Variants in ZNF296 observed in about 807,000 individuals in gnomAD.
ZNF296 encodes zinc finger protein 296, also known as zinc finger protein 342.
ZNF296 carries 1 observed loss-of-function variant against 13.2 expected under a neutral mutation model. The observed-to-expected ratio is 0.08, with a 90% CI of 0.03 to 0.36. The LOEUF is 0.36. Ranked by LOEUF, ZNF296 falls within the 10% of genes least tolerant of loss-of-function variation. The probability of loss-of-function intolerance (pLI) is 0.99; values close to 1 mark genes in which losing one functional copy is unlikely to be tolerated. For synonymous variants in ZNF296, 303 were observed against 289.0 expected (o/e 1.05, Z -0.49); for missense variants, 555 against 688.2 (o/e 0.81, Z 2.16).
At chr19:45,075,972 G>A (rs1967339186) in intron 1 of ZNF296, 104 bp downstream of exon 1, 1 of 1,580,586 alleles carries the variant, frequency 6.3e-7, no homozygotes, top group Non-Finnish European at 8.6e-7. Context: ...GGGCAGGACG[G>A]GGCGAAGGAG....
chr19:45,072,567 C>G lies in ZNF296; in HGVS notation c.462G>C (p.Leu154=). The change falls in exon 3 of 3, where the codon CTG becomes CTC. Residue 154 remains leucine, a synonymous_variant. Transcript: ENST00000303809. ...SRGQGSEREE[L]KALSCLRCGK... ...CACAGCGCAGGCAGCTCAAGGCCTT[C>G]AGCTCCTCTCGTTCTGGTAAGAAAA... 1 of 1,598,748 alleles carries G rather than the reference C, an allele frequency of 6.3e-7. No homozygotes were observed. Among genetic ancestry groups the G allele is most frequent in the Non-Finnish European group, 8.5e-7 (1 of 1,171,540 alleles).
chr19:45,071,582 G>GA lies in ZNF296; in HGVS notation c.*18dup. 1 of 1,505,998 alleles carries GA rather than the reference G, an allele frequency of 6.6e-7. No individual in the cohort carries two copies. The highest frequency in any genetic ancestry group is 8.8e-7 in the Non-Finnish European group (1 of 1,136,708). 93.3% of individuals were successfully genotyped at this position (1,505,998 alleles called of 1,614,324 possible). ...TGTTGGCAGCGGTACCAGGGACAGTGAGGGGGGCTTTCCTGGGCTCAGGCC... is the reference window on the plus strand; with the variant it reads ...TGTTGGCAGCGGTACCAGGGACAGTGAAGGGGGGCTTTCCTGGGCTCAGGCC... On this transcript the variant is annotated 3_prime_UTR_variant, in exon 3 of 3. Coordinates refer to ENST00000303809, the MANE Select transcript of ZNF296 (RefSeq NM_145288.3).
rs1010576657 is a variant in ZNF296, at chr19:45,072,702, G to A, written c.449-122C>T. ...TAACAAGACACACACACCCTGGAAG[G>A]ACCAGGAAGCTGACGCTCAGAGGAG... On this transcript the variant is annotated intron_variant, in intron 2 of 2. Transcript: ENST00000303809. 3.9e-6 allele frequency: 5 copies of A among 1,269,766 alleles called. No homozygotes were observed. In the African/African-American group the frequency reaches 7.5e-5, roughly 19 times the overall value. The allele number at this position is 1,269,766 out of a possible 1,614,324, so 78.7% of individuals were successfully genotyped here.
intron 2 of ZNF296, among the ~76,000 whole-genome samples, chr19:45,073,122 A>G (rs753880517): frequency 2.0e-5 from 3 of 152,186 alleles, no homozygotes; most frequent in Non-Finnish European, 2.9e-5. Context: ...GTGCTGAGCC[A>G]TGGCTCATAG....
intron 2 of ZNF296, among the ~76,000 whole-genome samples, chr19:45,075,444 G>T (rs752902944): frequency 7.9e-5 from 12 of 152,164 alleles, no homozygotes; most frequent in African/African-American, 1.9e-4. Context: ...TGTGTGTTGG[G>T]GGGGGCAAAA....
chr19:45,073,276 A>G (rs1240208404), intron 2 of ZNF296, among the ~76,000 whole-genome samples: 1 of 150,476 alleles, frequency 6.6e-6, no homozygotes, highest in Non-Finnish European at 1.5e-5. Flanking sequence ...GGAGGGGGAG[A>G]GGGCAGAACA....
At position 45,076,455 on chromosome 19, in the gene ZNF296, C is replaced by T; in HGVS notation, c.-82G>A. On this transcript the variant is annotated 5_prime_UTR_variant, in exon 1 of 3. Coordinates refer to ENST00000303809, the MANE Select transcript of ZNF296 (RefSeq NM_145288.3). This position sits in a 1 kb window ranked among gnomAD's most constrained non-coding sequence, Gnocchi z 4.9. The stretch of plus-strand genomic sequence containing the variant: ...GACGCACGAGCGGAGGACGCGCGGA[C>T]CGTGCGCGCTCAGGTGAGTGACTGC... 9.4e-7 allele frequency: 1 copy of T among 1,065,960 alleles called. No homozygotes were observed. The highest frequency in any genetic ancestry group is 1.2e-6 in the Non-Finnish European group (1 of 842,906). 66.0% of individuals were successfully genotyped at this position (1,065,960 alleles called of 1,614,324 possible).
In ZNF296 at chr19:45,072,404, C is replaced by T. The variant is rs774264310; in HGVS notation, c.625G>A (p.Val209Met). ...LAEVAAAVSA[V>M]VGPAAEAKSP... ...TTGGCCTCAGCTGCTGGCCCCACCA[C>T]TGCCGACACGGCTGCAGCCACCTCG... The change falls in exon 3 of 3, where the codon GTG (valine) becomes ATG (methionine). Residue 209 changes from valine to methionine, a missense_variant. By Grantham distance (21) the Val-to-Met change is conservative. Around this residue, in one of 3 missense-constraint regions of ZNF296, gnomAD observed 410 missense variants for 548.0 expected, o/e 0.75. Coordinates refer to ENST00000303809, the MANE Select transcript of ZNF296 (RefSeq NM_145288.3). 11 of 1,612,482 alleles carry T rather than the reference C, an allele frequency of 6.8e-6. No homozygotes were observed. The highest frequency in any genetic ancestry group is 4.4e-5 in the South Asian group (4 of 91,050).
Position 45,075,774 on chromosome 19 carries a change from G to A in ZNF296, c.387C>T (p.Phe129=), listed in dbSNP as rs748850944. Residue 129 remains phenylalanine (F), a synonymous_variant, in exon 2 of 3, where the codon TTC becomes TTT. Coordinates refer to ENST00000303809, the MANE Select transcript of ZNF296 (RefSeq NM_145288.3). ...GACAGCCCAGCTTCTTGTGGTCCAT[G>A]AAGGCAGTGATGGCCTCCAACGGGA... ...QTFPLEAITA[F]MDHKKLGCQL... 7 of 1,614,054 alleles carry A rather than the reference G, an allele frequency of 4.3e-6. No individual in the cohort carries two copies. Among genetic ancestry groups the A allele is most frequent in the African/African-American group, 1.3e-5 (1 of 74,932 alleles).
At position 45,072,465 on chromosome 19, in the gene ZNF296, TTCTG is replaced by T; in HGVS notation, c.560_563del (p.Thr187AsnfsTer214). ...GGAGCGGGGCCTCCGGGGCCTCTGA[TTCTG>T]TCTGGTAGATGGACAGTCCGTGGTC... On this transcript the variant is annotated frameshift_variant, in exon 3 of 3. Coordinates refer to ENST00000303809, the MANE Select transcript of ZNF296 (RefSeq NM_145288.3). LOFTEE classifies it low-confidence loss of function (END_TRUNC). The T allele has an allele frequency of 6.2e-7, 1 of 1,613,276 alleles. No individual in the cohort carries two copies. Among genetic ancestry groups the T allele is most frequent in the South Asian group, 1.1e-5 (1 of 91,084 alleles).
intron 2 of ZNF296, among the ~76,000 whole-genome samples, chr19:45,074,892 C>T (rs1382947058): frequency 6.6e-6 from 1 of 152,162 alleles, no homozygotes; most frequent in African/African-American, 2.4e-5. Context: ...GGCCACTCTC[C>T]ATGCTCCAGC....
Position 45,072,562 on chromosome 19 carries a change from G to A in ZNF296, c.467C>T (p.Ala156Val). 1 of 1,604,386 alleles carries A rather than the reference G, an allele frequency of 6.2e-7. No individual in the cohort carries two copies. Among genetic ancestry groups the A allele is most frequent in the Non-Finnish European group, 8.5e-7 (1 of 1,174,560 alleles). ...GQGSEREELK[A>V]LSCLRCGKQF... ...TTTGCCACAGCGCAGGCAGCTCAAGGCCTTCAGCTCCTCTCGTTCTGGTAA... is the reference window on the plus strand; with the variant it reads ...TTTGCCACAGCGCAGGCAGCTCAAGACCTTCAGCTCCTCTCGTTCTGGTAA... Residue 156 changes from alanine (A) to valine (V), a missense_variant, in exon 3 of 3, where the codon GCC becomes GTC. Ala to Val is a moderately conservative substitution (Grantham distance 64). Coordinates refer to ENST00000303809, the MANE Select transcript of ZNF296 (RefSeq NM_145288.3).
chr19:45,075,564 G>C (rs1186481956), intron 2 of ZNF296, 149 bp downstream of exon 2: 13 of 384,538 alleles, frequency 3.4e-5, no homozygotes, highest in Non-Finnish European at 5.3e-5. Context: ...GCCCTAGGAC[G>C]GGCAGGCCCT....
rs1967349615 is a variant in ZNF296, at chr19:45,076,287, G to T, written c.87C>A (p.Asp29Glu). ...ANPDDEMEMQ[D>E]LVIELKPEPD... is the part of the protein sequence containing the mutation. The stretch of plus-strand genomic sequence containing the variant: ...GCTCGGGCTTGAGTTCGATGACGAG[G>T]TCCTGCATTTCCATCTCGTCGTCTG... Residue 29 changes from aspartate (D) to glutamate (E), a missense_variant, in exon 1 of 3, where the codon GAC becomes GAA. Physicochemically the swap from Asp to Glu is conservative, Grantham distance 45 (BLOSUM62 2). This residue lies in a region of ZNF296 where 137 missense variants were observed against 121.9 expected (regional missense o/e 1.12). Coordinates refer to ENST00000303809, the MANE Select transcript of ZNF296 (RefSeq NM_145288.3). The surrounding 1 kb of genome is among the most constrained non-coding windows in gnomAD (Gnocchi z 4.9). 5 of 1,466,920 alleles carry T rather than the reference G, an allele frequency of 3.4e-6. No homozygotes were observed. The highest frequency in any genetic ancestry group is 5.2e-5 in the Admixed American group (2 of 38,296). The allele number at this position is 1,466,920 out of a possible 1,614,324, so 90.9% of individuals were successfully genotyped here.
chr19:45,072,344 G>T lies in ZNF296; in HGVS notation c.685C>A (p.Arg229=), dbSNP rs756653209. 2.5e-6 allele frequency: 4 copies of T among 1,612,574 alleles called. No individual in the cohort carries two copies. In the Middle Eastern group the frequency reaches 6.6e-4, roughly 266 times the overall value. Residue 229 remains arginine, a synonymous_variant, in exon 3 of 3, where the codon CGG becomes AGG. Coordinates refer to ENST00000303809, the MANE Select transcript of ZNF296 (RefSeq NM_145288.3). The part of the protein sequence containing the change: ...PRASGSGLTR[R]SPTCPVCKKT... ...TTGCACACAGGACAGGTGGGGCTCC[G>T]CCGGGTGAGGCCGCTGCCACTTGCA...
intron 2 of ZNF296, among the ~76,000 whole-genome samples, chr19:45,075,335 G>A (rs1048141428): frequency 2.0e-5 from 3 of 152,120 alleles, no homozygotes; most frequent in Non-Finnish European, 4.4e-5. Context: ...CCCCCCGGCC[G>A]CTGCCCTCCC....
At position 45,072,426 on chromosome 19, in the gene ZNF296, C is replaced by T. The variant is rs1967273773; in HGVS notation, c.603G>A (p.Glu201=). The change falls in exon 3 of 3, where the codon GAG becomes GAA. Residue 201 remains glutamate (E), a synonymous_variant. Transcript: ENST00000303809. The part of the protein sequence containing the change: ...APEAPLLGLA[E]VAAAVSAVVG... ...CCACTGCCGACACGGCTGCAGCCAC[C>T]TCGGCCAGGCCCAGGAGCGGGGCCT... is the stretch of plus-strand genomic sequence containing the variant. The T allele has an allele frequency of 6.2e-7, 1 of 1,612,778 alleles. No individual in the cohort carries two copies. Among genetic ancestry groups the T allele is most frequent in the Non-Finnish European group, 8.5e-7 (1 of 1,179,810 alleles).
intron 2 of ZNF296, among the ~76,000 whole-genome samples, chr19:45,074,033 ATT>A (rs1192824443): frequency 6.7e-6 from 1 of 148,612 alleles, no homozygotes; most frequent in East Asian, 2.1e-4. Context: ...AAAAAAAAAA[ATT>A]TTTTTTGGTT....
Position 45,076,357 on chromosome 19 carries a change from G to C in ZNF296, c.17C>G (p.Ala6Gly). The change falls in exon 1 of 3, where the codon GCC becomes GGC. Residue 6 changes from alanine to glycine, a missense_variant. By Grantham distance (60) the Ala-to-Gly change is moderately conservative. Coordinates refer to ENST00000303809, the MANE Select transcript of ZNF296 (RefSeq NM_145288.3). This position sits in a 1 kb window ranked among gnomAD's most constrained non-coding sequence, Gnocchi z 4.9. MSRRK[A>G]GSAPRRVEPA... ...CTCTACTCGGCGGGGCGCGCTGCCG[G>C]CCTTGCGGCGGGACATGAGTCGCGG... 1 of 1,351,830 alleles carries C rather than the reference G, an allele frequency of 7.4e-7. No homozygotes were observed. Among genetic ancestry groups the C allele is most frequent in the Non-Finnish European group, 9.5e-7 (1 of 1,050,044 alleles). The allele number at this position is 1,351,830 out of a possible 1,614,324, so 83.7% of individuals were successfully genotyped here. A position where few individuals can be genotyped will look rare whatever the true frequency, so the allele number is the denominator to read the frequency against.
Sources: allele counts gnomAD v4.1 joint callset (sites outside exome capture counted in the v4.1 genomes callset), GRCh38; gene constraint gnomAD v4.1.1; regional missense constraint gnomAD v4.1.1; non-coding constraint Gnocchi (gnomAD v3.1); transcripts MANE v1.5; gene names NCBI Gene and HGNC (gene_info 2026-07-23, HGNC 2026-07-21).